Variants in AGPAT3 observed in about 807,000 individuals in gnomAD.
The protein encoded by AGPAT3 is 1-acyl-sn-glycerol-3-phosphate acyltransferase gamma.
AGPAT3 carries 5 observed loss-of-function variants against 47.3 expected under a neutral mutation model. The observed-to-expected ratio is 0.11, with a 90% CI of 0.06 to 0.22. AGPAT3 has a LOEUF of 0.22. Ranked by LOEUF, AGPAT3 falls within the 10% of genes least tolerant of loss-of-function variation. The pLI is 1.00. For missense variants in AGPAT3, 315 were observed against 493.0 expected (o/e 0.64, Z 3.42); for synonymous variants, 212 against 208.3 (o/e 1.02, Z -0.15).
At chr21:43,909,847 T>C (rs919734520) in intron 2 of AGPAT3, among the ~76,000 whole-genome samples, 3 of 152,116 alleles carry the variant, frequency 2.0e-5, no homozygotes, top group African/African-American at 7.2e-5. Context: ...CCCTGAGCAT[T>C]AGTACACCGT....
Position 43,987,040 on chromosome 21 carries a change from G to A in AGPAT3, c.*4648G>A, listed in dbSNP as rs1016495389. ...GGCAGGTGTGCGCCTGCCCGAGCGC[G>A]AGTAGCTCTTGTGTAGTGGTGAAAT... On this transcript the variant is annotated 3_prime_UTR_variant, in exon 10 of 10. Transcript: ENST00000291572. 2.6e-5 allele frequency among the ~76,000 whole-genome samples: 4 copies of A among 152,202 alleles called. No individual in the cohort carries two copies. The highest frequency in any genetic ancestry group is 7.2e-5 in the African/African-American group (3 of 41,452).
intron 1 of AGPAT3, among the ~76,000 whole-genome samples, chr21:43,883,309 C>T (rs999576221): frequency 3.3e-4 from 51 of 152,378 alleles, no homozygotes; most frequent in African/African-American, 1.2e-3. Context: ...GCCTCCTGCC[C>T]ACTCTGGGAC....
In AGPAT3 at chr21:43,908,019, G is replaced by A. The variant is rs2086545374; in HGVS notation, c.-49+4000G>A. On this transcript the variant is annotated intron_variant, in intron 2 of 9. Coordinates refer to ENST00000291572, the MANE Select transcript of AGPAT3 (RefSeq NM_020132.5). This position sits in a 1 kb window ranked among gnomAD's most constrained non-coding sequence, Gnocchi z 4.9. ...TGTTCCCGTAATAGCAGAGCAAAGG[G>A]ATGATGGTCTTCGGAGGAGGGCGCT... Among the ~76,000 whole-genome samples the A allele has an allele frequency of 6.6e-6, 1 of 152,212 alleles. No individual in the cohort carries two copies. The highest frequency in any genetic ancestry group is 1.5e-5 in the Non-Finnish European group (1 of 68,044).
At chr21:43,884,889 G>C (rs2085940175) in intron 1 of AGPAT3, among the ~76,000 whole-genome samples, 1 of 152,224 alleles carries the variant, frequency 6.6e-6, no homozygotes, top group Non-Finnish European at 1.5e-5. Flanking sequence ...GCTGCTGCTT[G>C]TGTAATTGTC....
rs2087560629 is a variant in AGPAT3 at position 43,939,192 on chromosome 21, G to C, written c.-48-20442G>C. Reference sequence around the variant, plus strand: ...TCACTTTATCCCACTGTGGCCCCGTGACCCTGAGCGAGAATGCACTGGCCG... The same window carrying C: ...TCACTTTATCCCACTGTGGCCCCGTCACCCTGAGCGAGAATGCACTGGCCG... On this transcript the variant is annotated intron_variant, in intron 2 of 9. Transcript: ENST00000291572. The surrounding 1 kb of genome is among the most constrained non-coding windows in gnomAD (Gnocchi z 4.4). Among the ~76,000 whole-genome samples, 1 of 152,164 alleles carries C rather than the reference G, an allele frequency of 6.6e-6. No homozygotes were observed. The highest frequency in any genetic ancestry group is 6.5e-5 in the Admixed American group (1 of 15,286).
intron 2 of AGPAT3, among the ~76,000 whole-genome samples, chr21:43,929,090 G>A (rs1194491293): frequency 6.6e-6 from 1 of 152,256 alleles, no homozygotes; most frequent in Non-Finnish European, 1.5e-5. Flanking sequence ...GTGCCTGAGT[G>A]GCGGGGCCCC....
intron 2 of AGPAT3, among the ~76,000 whole-genome samples, chr21:43,944,918 C>T (rs570744307): frequency 6.6e-6 from 1 of 152,326 alleles, no homozygotes; most frequent in African/African-American, 2.4e-5. Context: ...CAGGGGCTTC[C>T]CTCCCCAGCC....
intron 1 of AGPAT3, among the ~76,000 whole-genome samples, chr21:43,887,064 G>C (rs181628330): frequency 6.6e-6 from 1 of 152,352 alleles, no homozygotes; most frequent in African/African-American, 2.4e-5. Flanking sequence ...CCCACCAACA[G>C]TGGTTTGCTG....
intron 7 of AGPAT3, among the ~76,000 whole-genome samples, chr21:43,972,238 C>G (rs765806402): frequency 6.6e-6 from 1 of 152,044 alleles, no homozygotes; most frequent in Admixed American, 6.6e-5. Flanking sequence ...TCCGCCTCCC[C>G]GGTTCAAGCA....
chr21:43,952,670 G>A lies in AGPAT3; in HGVS notation c.-48-6964G>A, dbSNP rs753300762. ...CCTAAATCTGTTGTTTAATGAAGAC[G>A]CGCTGGCACCAAGCTTCTGGGCGAC... On this transcript the variant is annotated intron_variant, in intron 2 of 9. Coordinates refer to ENST00000291572, the MANE Select transcript of AGPAT3 (RefSeq NM_020132.5). The surrounding 1 kb of genome is among the most constrained non-coding windows in gnomAD (Gnocchi z 5.6). Among the ~76,000 whole-genome samples the A allele has an allele frequency of 1.3e-5, 2 of 152,106 alleles. No individual in the cohort carries two copies. Among genetic ancestry groups the A allele is most frequent in the Non-Finnish European group, 1.5e-5 (1 of 68,024 alleles).
chr21:43,970,860 G>T lies in AGPAT3; in HGVS notation c.664+54G>T. The T allele has an allele frequency of 7.2e-7, 1 of 1,391,138 alleles. No homozygotes were observed. The highest frequency in any genetic ancestry group is 2.7e-5 in the East Asian group (1 of 37,604). The allele number at this position is 1,391,138 out of a possible 1,614,324, so 86.2% of individuals were successfully genotyped here. A position where few individuals can be genotyped will look rare whatever the true frequency, so the allele number is the denominator to read the frequency against. ...CACCGCTATGCTCACGGAAAATAGT[G>T]ATTTCTTTAAAAAAAAAAAAAATGA... On this transcript the variant is annotated intron_variant, in intron 6 of 9. Transcript: ENST00000291572. This position sits in a 1 kb window ranked among gnomAD's most constrained non-coding sequence, Gnocchi z 5.8.
chr21:43,924,249 T>C (rs917826601), intron 2 of AGPAT3, among the ~76,000 whole-genome samples: 1 of 151,406 alleles, frequency 6.6e-6, no homozygotes, highest in Non-Finnish European at 1.5e-5. Flanking sequence ...ATGATCTCAA[T>C]CTCCTGACCT....
intron 2 of AGPAT3, among the ~76,000 whole-genome samples, chr21:43,917,485 C>T (rs554353871): frequency 5.9e-5 from 9 of 152,332 alleles, no homozygotes; most frequent in Non-Finnish European, 1.3e-4. Context: ...GACACAGTTT[C>T]ACAGTTTCTG....
At chr21:43,918,039 G>A (rs1421684944) in intron 2 of AGPAT3, among the ~76,000 whole-genome samples, 2 of 119,816 alleles carry the variant, frequency 1.7e-5, no homozygotes, top group African/African-American at 2.8e-5. Context: ...AGGGGTTGTT[G>A]GTGTTGTGGG....
intron 2 of AGPAT3, among the ~76,000 whole-genome samples, chr21:43,956,507 C>A (rs1268769292): frequency 3.3e-5 from 5 of 152,214 alleles, no homozygotes; most frequent in Non-Finnish European, 7.3e-5. Flanking sequence ...AAGTTAAGCC[C>A]ATAAAAAGTG....
rs2088241655 is a variant in AGPAT3, at chr21:43,952,389, G to A, written c.-48-7245G>A. Reference sequence around the variant, plus strand: ...ATAAGGTCACATTTCGAGGACCTGGGCATTACCTTTGTGGAAGGAACTCAG... The same window carrying A: ...ATAAGGTCACATTTCGAGGACCTGGACATTACCTTTGTGGAAGGAACTCAG... On this transcript the variant is annotated intron_variant, in intron 2 of 9. Coordinates refer to ENST00000291572, the MANE Select transcript of AGPAT3 (RefSeq NM_020132.5). The surrounding 1 kb of genome is among the most constrained non-coding windows in gnomAD (Gnocchi z 5.6). Among the ~76,000 whole-genome samples the A allele has an allele frequency of 6.6e-6, 1 of 152,216 alleles. No homozygotes were observed.
chr21:43,972,958 C>T (rs1023183146), intron 7 of AGPAT3, among the ~76,000 whole-genome samples: 11 of 152,240 alleles, frequency 7.2e-5, no homozygotes, highest in African/African-American at 2.2e-4. Context: ...ACTGAGTGTG[C>T]GTCCTGATCA....
intron 2 of AGPAT3, among the ~76,000 whole-genome samples, chr21:43,944,407 C>A (rs1234308730): frequency 6.6e-6 from 1 of 152,242 alleles, no homozygotes; most frequent in Non-Finnish European, 1.5e-5. Context: ...GCCTGTACAT[C>A]CCTGCCTGCA....
At chr21:43,980,487 C>T (rs2146940405) in intron 8 of AGPAT3, among the ~76,000 whole-genome samples, 1 of 152,360 alleles carries the variant, frequency 6.6e-6, no homozygotes, top group East Asian at 1.9e-4. Context: ...AGGCTCCTCT[C>T]TCCTCCCAGC....
Sources: allele counts gnomAD v4.1 joint callset (sites outside exome capture counted in the v4.1 genomes callset), GRCh38; gene constraint gnomAD v4.1.1; non-coding constraint Gnocchi (gnomAD v3.1); transcripts MANE v1.5; gene names NCBI Gene and HGNC (gene_info 2026-07-23, HGNC 2026-07-21).